The following TMEM63C variants were observed in gnomAD, a reference collection of about 807,000 sequenced individuals.
TMEM63C encodes transmembrane protein 63C.
TMEM63C carries 32 observed loss-of-function variants against 99.2 expected under a neutral mutation model. The ratio of observed to expected loss-of-function variants is 0.32; its 90% CI spans 0.24 to 0.43. The LOEUF is 0.43. Among genes scored for constraint, TMEM63C ranks in the 20% least tolerant of loss-of-function variants. The pLI, the probability that TMEM63C is intolerant of heterozygous loss-of-function variation, is 1.00. For missense variants in TMEM63C, 826 were observed against 1,053.0 expected (o/e 0.78, Z 2.98); for synonymous variants, 376 against 397.9 (o/e 0.94, Z 0.66).
chr14:77,232,837 T>C (rs1888969155), intron 7 of TMEM63C, among the ~76,000 whole-genome samples: 1 of 152,252 alleles, frequency 6.6e-6, no homozygotes. Context: ...AGCTTTCCCC[T>C]GATTCCTCAG....
chr14:77,184,183 A>C (rs1887958426), intron 1 of TMEM63C, among the ~76,000 whole-genome samples: 1 of 151,854 alleles, frequency 6.6e-6, no homozygotes, highest in Non-Finnish European at 1.5e-5. Context: ...AAACATGGTC[A>C]TTTCTTCTTC....
At chr14:77,206,981 G>T (rs1227286790) in intron 1 of TMEM63C, among the ~76,000 whole-genome samples, 1 of 151,890 alleles carries the variant, frequency 6.6e-6, no homozygotes, top group Non-Finnish European at 1.5e-5. Flanking sequence ...CAGGCATGAA[G>T]TCACCTGTCC....
chr14:77,244,957 T>G (rs1052266139), intron 16 of TMEM63C, among the ~76,000 whole-genome samples: 19 of 152,240 alleles, frequency 1.2e-4, no homozygotes, highest in African/African-American at 4.6e-4. Context: ...CCTTGATGGT[T>G]CTATGGTGGC....
chr14:77,198,532 C>T (rs1003998813), intron 1 of TMEM63C, among the ~76,000 whole-genome samples: 1 of 152,192 alleles, frequency 6.6e-6, no homozygotes, highest in Non-Finnish European at 1.5e-5. Flanking sequence ...AGCCACTGCA[C>T]GCATGGAGAG....
chr14:77,224,483 C>T (rs1294967214), intron 5 of TMEM63C, among the ~76,000 whole-genome samples: 2 of 152,120 alleles, frequency 1.3e-5, no homozygotes, highest in African/African-American at 4.8e-5. Flanking sequence ...TTGCTAAGTC[C>T]TCTGGGATCC....
intron 9 of TMEM63C, among the ~76,000 whole-genome samples, chr14:77,237,097 G>T (rs1454429313): frequency 1.3e-5 from 2 of 151,944 alleles, no homozygotes; most frequent in African/African-American, 4.8e-5. Context: ...TTGGTAAATA[G>T]CTGCTGCCCA....
intron 15 of TMEM63C, 74 bp downstream of exon 15, chr14:77,243,130 G>T (rs1889209329): frequency 4.5e-6 from 7 of 1,570,206 alleles, no homozygotes; most frequent in Non-Finnish European, 6.0e-6. Context: ...GATGGGATGG[G>T]GGGAGCCCCC....
Position 77,254,314 on chromosome 14 carries a change from G to A in TMEM63C, c.2220+938G>A, listed in dbSNP as rs112452250. 6.4e-4 allele frequency among the ~76,000 whole-genome samples: 98 copies of A among 152,240 alleles called. 2 individuals are homozygous for A. Among genetic ancestry groups the A allele is most frequent in the African/African-American group, 2.3e-3 (96 of 41,542 alleles). The stretch of plus-strand genomic sequence containing the variant: ...TGGGCAGAGCTGGGAGTGAGTGCAC[G>A]GTGACAGAAGCACAGACAAAACACC... On this transcript the variant is annotated intron_variant, in intron 23 of 23. Coordinates refer to ENST00000298351, the MANE Select transcript of TMEM63C (RefSeq NM_020431.4).
chr14:77,247,334 G>C (rs1434502176), intron 18 of TMEM63C, among the ~76,000 whole-genome samples: 1 of 152,068 alleles, frequency 6.6e-6, no homozygotes, highest in East Asian at 1.9e-4. Flanking sequence ...CCGAGTAGCT[G>C]AGATTACAAG....
At chr14:77,225,527 GAAA>G in intron 6 of TMEM63C, 66 bp downstream of exon 6, 1 of 1,571,836 alleles carries the variant, frequency 6.4e-7, no homozygotes, top group South Asian at 1.1e-5. Flanking sequence ...GAGGCTCCTG[GAAA>G]AGTTAGCAGC....
rs1405935430 is a variant in TMEM63C at position 77,242,294 on chromosome 14, C to G, written c.1065-53C>G. The G allele has an allele frequency of 1.1e-5, 18 of 1,592,010 alleles. No individual in the cohort carries two copies. The Admixed American group carries it at 2.9e-4, about 25-fold the overall frequency. On this transcript the variant is annotated intron_variant, in intron 13 of 23. Transcript: ENST00000298351. ...GCTCCTGGCATGAGACCCTCCTAAG[C>G]CCATCCCCCCACCCCCAGACCCACA... is the stretch of plus-strand genomic sequence containing the variant.
rs750331360 is a variant in TMEM63C at position 77,186,776 on chromosome 14, GGT to G, written c.-77+4905_-77+4906del. Among the ~76,000 whole-genome samples the G allele has an allele frequency of 5.3e-4, 73 of 138,554 alleles. 1 individual carries two copies. The highest frequency in any genetic ancestry group is 1.8e-3 in the African/African-American group (67 of 36,222). The allele number at this position is 138,554 out of a possible 152,430, so 90.9% of individuals were successfully genotyped here. A position where few individuals can be genotyped will look rare whatever the true frequency, so the allele number is the denominator to read the frequency against. ...GGGGGAATCTTCTCAGAACCAAAGG[GGT>G]GTGTGTGTGTGTGTGTGTGTGTCTG... On this transcript the variant is annotated intron_variant, in intron 1 of 23. Coordinates refer to ENST00000298351, the MANE Select transcript of TMEM63C (RefSeq NM_020431.4).
intron 9 of TMEM63C, among the ~76,000 whole-genome samples, chr14:77,238,337 A>G (rs1327717927): frequency 6.6e-6 from 1 of 152,172 alleles, no homozygotes; most frequent in Admixed American, 6.5e-5. Flanking sequence ...CTTTCCAATC[A>G]TGGAGCTCTG....
intron 1 of TMEM63C, among the ~76,000 whole-genome samples, chr14:77,184,376 GT>G: frequency 6.6e-6 from 1 of 152,218 alleles, no homozygotes; most frequent in East Asian, 1.9e-4. Context: ...AAATGCAGGT[GT>G]CTAGTGGCAC....
At chr14:77,228,346 G>A (rs1888870016) in intron 6 of TMEM63C, among the ~76,000 whole-genome samples, 1 of 152,024 alleles carries the variant, frequency 6.6e-6, no homozygotes, top group African/African-American at 2.4e-5. Context: ...CCCCGCCTCA[G>A]GCAGTGCAAG....
chr14:77,183,673 TC>T (rs1176813510), intron 1 of TMEM63C, among the ~76,000 whole-genome samples: 1 of 152,164 alleles, frequency 6.6e-6, no homozygotes, highest in African/African-American at 2.4e-5. Context: ...TGTGCCTGGC[TC>T]ATGAATTGCT....
Position 77,243,125 on chromosome 14 carries a change from G to A in TMEM63C, c.1341+69G>A, listed in dbSNP as rs1889209089. The stretch of plus-strand genomic sequence containing the variant: ...CAAGGAATAATTCAGGCGAGGATGG[G>A]ATGGGGGGAGCCCCCTGGGAGGGGG... On this transcript the variant is annotated intron_variant, in intron 15 of 23. Coordinates refer to ENST00000298351, the MANE Select transcript of TMEM63C (RefSeq NM_020431.4). The A allele has an allele frequency of 2.5e-6, 4 of 1,576,658 alleles. No homozygotes were observed. The Admixed American group carries it at 7.3e-5, about 29-fold the overall frequency.
intron 1 of TMEM63C, among the ~76,000 whole-genome samples, chr14:77,203,228 A>G (rs1182108388): frequency 1.3e-5 from 2 of 151,608 alleles, no homozygotes; most frequent in Non-Finnish European, 1.5e-5. Context: ...AAATACAAAA[A>G]TTAGCCGGCC....
In TMEM63C at chr14:77,256,620, CG is replaced by C; in HGVS notation, c.2317del (p.Glu773LysfsTer9). The C allele has an allele frequency of 6.2e-7, 1 of 1,613,970 alleles. No homozygotes were observed. Among genetic ancestry groups the C allele is most frequent in the East Asian group, 2.2e-5 (1 of 44,884 alleles). ...RHTYGTMNNQPEEGEEESGLR... is the reference protein window; with the variant it reads ...RHTYGTMNNQXEEGEEESGLR... Reference sequence around the variant, plus strand: ...ACCTATGGCACCATGAACAACCAGCCGGAAGAGGGAGAAGAAGAGAGTGGTC... The same window carrying C: ...ACCTATGGCACCATGAACAACCAGCCGAAGAGGGAGAAGAAGAGAGTGGTC... On this transcript the variant is annotated frameshift_variant, in exon 24 of 24. Transcript: ENST00000298351. LOFTEE classifies it high-confidence loss of function.
Sources: allele counts gnomAD v4.1 joint callset (sites outside exome capture counted in the v4.1 genomes callset), GRCh38; gene constraint gnomAD v4.1.1; transcripts MANE v1.5; gene names NCBI Gene and HGNC (gene_info 2026-07-23, HGNC 2026-07-21).